The following SCAF8 variants were observed in gnomAD, a reference collection of about 807,000 sequenced individuals.
The protein encoded by SCAF8 is SR-related and CTD-associated factor 8.
Under a neutral mutation model 140.5 loss-of-function variants are expected in SCAF8, and 23 were observed. The observed-to-expected ratio is 0.16, with a 90% CI of 0.12 to 0.23. The LOEUF is 0.23. Ranked by LOEUF, SCAF8 falls within the 10% of genes least tolerant of loss-of-function variation. The pLI is 1.00. For missense variants in SCAF8, 1,397 were observed against 1,555.7 expected, an observed-to-expected ratio of 0.90 and a Z score of 1.72; for synonymous variants, 575 against 528.9, an observed-to-expected ratio of 1.09 and a Z score of -1.20.
At chr6:154,736,191 C>G (rs1327028303) in intron 1 of SCAF8, among the ~76,000 whole-genome samples, 1 of 151,640 alleles carries the variant, frequency 6.6e-6, no homozygotes, top group African/African-American at 2.4e-5. Flanking sequence ...CTTCCCCACA[C>G]ACACTTTGTT....
At chr6:154,773,443 C>G (rs1198757922) in intron 1 of SCAF8, among the ~76,000 whole-genome samples, 1 of 152,144 alleles carries the variant, frequency 6.6e-6, no homozygotes, top group Non-Finnish European at 1.5e-5. Flanking sequence ...TACTCATTAG[C>G]TGACAGATAT....
At chr6:154,815,228 C>T (rs1329342871) in intron 12 of SCAF8, among the ~76,000 whole-genome samples, 1 of 152,084 alleles carries the variant, frequency 6.6e-6, no homozygotes, top group African/African-American at 2.4e-5. Flanking sequence ...ACCTGGGAGG[C>T]GGAGCTTGCA....
intron 2 of SCAF8, among the ~76,000 whole-genome samples, chr6:154,776,001 G>A (rs1435092153): frequency 6.6e-6 from 1 of 152,066 alleles, no homozygotes; most frequent in African/African-American, 2.4e-5. Context: ...TGAAACTCCT[G>A]AGAATAAAGA....
At chr6:154,756,920 C>T (rs192690364) in intron 1 of SCAF8, among the ~76,000 whole-genome samples, 2 of 152,008 alleles carry the variant, frequency 1.3e-5, no homozygotes, top group South Asian at 2.1e-4. Context: ...CCCAGCTACT[C>T]GGGAGGCTGA....
chr6:154,767,702 TA>T (rs1318044048), intron 1 of SCAF8, among the ~76,000 whole-genome samples: 9 of 151,678 alleles, frequency 5.9e-5, no homozygotes, highest in African/African-American at 1.9e-4. Flanking sequence ...GCCTGGCTAA[TA>T]TTTTTTTGTA....
At chr6:154,827,058 TGAG>T in intron 17 of SCAF8, 111 bp from the exon 18 acceptor site, 1 of 783,560 alleles carries the variant, frequency 1.3e-6, no homozygotes, top group Non-Finnish European at 2.0e-6. Flanking sequence ...TATATAAATA[TGAG>T]GTTGTAGTCC....
intron 1 of SCAF8, 42 bp downstream of exon 1, chr6:154,733,972 C>T: frequency 1.3e-6 from 2 of 1,496,240 alleles, no homozygotes; most frequent in Admixed American, 2.7e-5. Flanking sequence ...GCCCGCACCG[C>T]CCCCACCCCT....
rs1387598966 is a variant in SCAF8 at position 154,822,196 on chromosome 6, A to T, written c.1793-80A>T. The T allele has an allele frequency of 5.6e-6, 8 of 1,422,844 alleles. No homozygotes were observed. The East Asian group carries it at 1.6e-4, about 29-fold the overall frequency. The allele number at this position is 1,422,844 out of a possible 1,614,324, so 88.1% of individuals were successfully genotyped here. ...GTGCCAAGGTAGATGAAGGATTTAG[A>T]TGTGAAATAAATGAATACAAAGAAG... On this transcript the variant is annotated intron_variant, in intron 15 of 19. Transcript: ENST00000367178.
intron 6 of SCAF8, among the ~76,000 whole-genome samples, chr6:154,801,719 G>A (rs907239028): frequency 1.3e-5 from 2 of 151,484 alleles, no homozygotes; most frequent in African/African-American, 2.4e-5. Flanking sequence ...TGTGATGAGC[G>A]CTTTATCTGG....
intron 9 of SCAF8, among the ~76,000 whole-genome samples, chr6:154,807,281 C>A (rs1248646601): frequency 2.0e-5 from 3 of 152,038 alleles, no homozygotes; most frequent in African/African-American, 7.2e-5. Context: ...TATATCAGTT[C>A]CAAAATTTCA....
chr6:154,751,327 C>G (rs1409472461), intron 1 of SCAF8, among the ~76,000 whole-genome samples: 1 of 151,802 alleles, frequency 6.6e-6, no homozygotes, highest in Non-Finnish European at 1.5e-5. Flanking sequence ...CTCCCAAGTT[C>G]AAGTGATTGT....
At chr6:154,763,273 A>G (rs1243244592) in intron 1 of SCAF8, among the ~76,000 whole-genome samples, 1 of 152,198 alleles carries the variant, frequency 6.6e-6, no homozygotes, top group Non-Finnish European at 1.5e-5. Context: ...GCTGTCTTGA[A>G]TTCAAAGTAT....
At chr6:154,807,450 G>A (rs537255115) in intron 9 of SCAF8, among the ~76,000 whole-genome samples, 6 of 152,266 alleles carry the variant, frequency 3.9e-5, no homozygotes, top group South Asian at 2.1e-4. Flanking sequence ...TGCAGATCTC[G>A]GCTCACTGCT....
At chr6:154,815,303 AT>A (rs1390369486) in intron 12 of SCAF8, among the ~76,000 whole-genome samples, 1 of 152,232 alleles carries the variant, frequency 6.6e-6, no homozygotes, top group Non-Finnish European at 1.5e-5. Context: ...TCTCAAAAAA[AT>A]AAATAAATAA....
At chr6:154,749,662 G>C (rs1433291608) in intron 1 of SCAF8, among the ~76,000 whole-genome samples, 1 of 152,192 alleles carries the variant, frequency 6.6e-6, no homozygotes, top group Non-Finnish European at 1.5e-5. Context: ...GGAAATTGCA[G>C]CTTTGGGTAG....
intron 1 of SCAF8, among the ~76,000 whole-genome samples, chr6:154,741,768 G>A (rs1234095301): frequency 1.3e-5 from 2 of 152,170 alleles, no homozygotes; most frequent in African/African-American, 4.8e-5. Context: ...ATTACTAGTT[G>A]TATGTACAAT....
intron 9 of SCAF8, 110 bp from the exon 10 acceptor site, chr6:154,807,960 G>T (rs780829457): frequency 1.1e-6 from 1 of 922,808 alleles, no homozygotes; most frequent in Non-Finnish European, 1.6e-6. Flanking sequence ...TTTCTTTTAT[G>T]TATGGCTCAT....
chr6:154,822,179 G>A, intron 15 of SCAF8, 97 bp from the exon 16 acceptor site: 1 of 1,277,902 alleles, frequency 7.8e-7, no homozygotes. Context: ...ATGTGCCAAG[G>A]TAGATGAAGG....
At chr6:154,759,447 A>T (rs1251026000) in intron 1 of SCAF8, among the ~76,000 whole-genome samples, 1 of 152,184 alleles carries the variant, frequency 6.6e-6, no homozygotes, top group African/African-American at 2.4e-5. Flanking sequence ...CAAAACTGTA[A>T]TGTTAATCCT....
Sources: allele counts gnomAD v4.1 joint callset (sites outside exome capture counted in the v4.1 genomes callset), GRCh38; gene constraint gnomAD v4.1.1; transcripts MANE v1.5; gene names NCBI Gene and HGNC (gene_info 2026-07-23, HGNC 2026-07-21).